ZFYVE9: variants seen among roughly 807,000 people sequenced by gnomAD.
ZFYVE9 encodes the protein zinc finger FYVE-type containing 9.
In ZFYVE9, 43 loss-of-function variants were observed where a neutral mutation model predicts 126.7. The ratio of observed to expected loss-of-function variants is 0.34; its 90% CI spans 0.27 to 0.44. The LOEUF is 0.44. Ranked by LOEUF, ZFYVE9 falls within the 20% of genes least tolerant of loss-of-function variation. ZFYVE9 has a pLI of 1.00. For synonymous variants in ZFYVE9, 521 were observed against 597.4 expected (o/e 0.87, Z 1.87); for missense variants, 1,476 against 1,697.0 (o/e 0.87, Z 2.29).
In ZFYVE9 at chr1:52,263,762, C is replaced by CT. The variant is rs1553130213; in HGVS notation, c.2179-11_2179-10insT. On this transcript the variant is annotated splice_polypyrimidine_tract_variant and intron_variant, in intron 4 of 18. Transcript: ENST00000287727. ...AAATTTTGTGTGTTCTTCCCCCCCC[C>CT]CCCCCCACAGGTTTTCTGTGCTTCC... The CT allele has an allele frequency of 1.1e-6, 1 of 935,704 alleles. No homozygotes were observed. Among genetic ancestry groups the CT allele is most frequent in the South Asian group, 1.8e-5 (1 of 56,062 alleles). The allele number at this position is 935,704 out of a possible 1,614,324, so 58.0% of individuals were successfully genotyped here. A position where few individuals can be genotyped will look rare whatever the true frequency, so the allele number is the denominator to read the frequency against.
chr1:52,260,894 G>C (rs954301951), intron 4 of ZFYVE9, among the ~76,000 whole-genome samples: 1 of 152,136 alleles, frequency 6.6e-6, no homozygotes, highest in Non-Finnish European at 1.5e-5. Flanking sequence ...GCCTTTGCTT[G>C]GTCTGGCCTC....
intron 13 of ZFYVE9, among the ~76,000 whole-genome samples, chr1:52,314,956 C>G (rs938022280): frequency 1.3e-5 from 2 of 152,074 alleles, no homozygotes; most frequent in African/African-American, 4.8e-5. Flanking sequence ...TGAGGCAAAG[C>G]GTTTTCTCGG....
chr1:52,162,946 G>GGT, intron 1 of ZFYVE9: 1 of 494,014 alleles, frequency 2.0e-6, no homozygotes, highest in East Asian at 4.5e-5. Context: ...TTTTACACAA[G>GGT]CAGGAGTTCC....
chr1:52,266,577 A>G, intron 5 of ZFYVE9, 78 bp from the exon 6 acceptor site: 1 of 1,275,908 alleles, frequency 7.8e-7, no homozygotes, highest in Admixed American at 2.5e-5. Context: ...AAGCTGCATT[A>G]TTTATCCAAT....
intron 2 of ZFYVE9, among the ~76,000 whole-genome samples, chr1:52,223,096 CCCACCATTAAATTT>C (rs1645139173): frequency 6.6e-6 from 1 of 151,932 alleles, no homozygotes; most frequent in South Asian, 2.1e-4. Flanking sequence ...TGATTTGGGT[CCCACCATTAAATTT>C]ATCAGGGGCT....
intron 1 of ZFYVE9, among the ~76,000 whole-genome samples, chr1:52,156,382 G>C (rs1644403652): frequency 6.6e-6 from 1 of 152,136 alleles, no homozygotes; most frequent in Non-Finnish European, 1.5e-5. Context: ...TATATATAGG[G>C]ACTACTGCCC....
rs1170112147 is a variant in ZFYVE9 at position 52,142,835 on chromosome 1, GA to G, written c.-143+435del. 5.3e-5 allele frequency among the ~76,000 whole-genome samples: 8 copies of G among 152,224 alleles called. No homozygotes were observed. The highest frequency in any genetic ancestry group is 5.2e-4 in the Admixed American group (8 of 15,286). On this transcript the variant is annotated intron_variant, in intron 1 of 18. Transcript: ENST00000287727. The surrounding 1 kb of genome is among the most constrained non-coding windows in gnomAD (Gnocchi z 4.5). ...CCCTCAGAATCCCGGTTGTGGCGGG[GA>G]AAGGGGGAGGAGAGGAAGGCCAGGG...
intron 13 of ZFYVE9, among the ~76,000 whole-genome samples, chr1:52,320,229 C>A (rs1177600942): frequency 1.3e-5 from 2 of 152,006 alleles, no homozygotes; most frequent in East Asian, 3.9e-4. Flanking sequence ...TGCCACCACG[C>A]CCAGCTAATT....
chr1:52,262,448 T>G (rs577391198), intron 4 of ZFYVE9, among the ~76,000 whole-genome samples: 26 of 152,326 alleles, frequency 1.7e-4, no homozygotes, highest in Admixed American at 6.5e-4. Context: ...TAAACTCAGT[T>G]TCTTCTGATA....
chr1:52,249,419 C>T (rs1645421979), intron 4 of ZFYVE9, among the ~76,000 whole-genome samples: 1 of 152,112 alleles, frequency 6.6e-6, no homozygotes, highest in African/African-American at 2.4e-5. Context: ...TTTTCATGTA[C>T]TTACTGGTCT....
chr1:52,254,089 A>G, intron 4 of ZFYVE9: 5 of 772,216 alleles, frequency 6.5e-6, no homozygotes, highest in Non-Finnish European at 1.1e-5. Context: ...ATATGAGACA[A>G]ATTAAAATAT....
At chr1:52,215,389 C>T (rs1460951604) in intron 1 of ZFYVE9, among the ~76,000 whole-genome samples, 3 of 152,030 alleles carry the variant, frequency 2.0e-5, no homozygotes, top group Admixed American at 6.6e-5. Context: ...ATTCTTTATT[C>T]TTCATTGGGT....
At chr1:52,222,630 T>C (rs1472947659) in intron 2 of ZFYVE9, among the ~76,000 whole-genome samples, 1 of 152,232 alleles carries the variant, frequency 6.6e-6, no homozygotes, top group African/African-American at 2.4e-5. Flanking sequence ...CTTTCAATTA[T>C]ATGTTTTAAA....
intron 17 of ZFYVE9, among the ~76,000 whole-genome samples, chr1:52,342,232 C>T (rs1204176930): frequency 1.3e-5 from 2 of 150,482 alleles, no homozygotes; most frequent in African/African-American, 4.9e-5. Context: ...ATAGAAACAT[C>T]GTGTATTTGC....
At chr1:52,158,286 A>G (rs112662703) in intron 1 of ZFYVE9, among the ~76,000 whole-genome samples, 4 of 152,034 alleles carry the variant, frequency 2.6e-5, no homozygotes, top group South Asian at 2.1e-4. Flanking sequence ...TCTTTTGGGG[A>G]TTATAGTCTC....
intron 1 of ZFYVE9, among the ~76,000 whole-genome samples, chr1:52,184,742 A>G (rs1644748772): frequency 6.6e-6 from 1 of 152,148 alleles, no homozygotes; most frequent in Admixed American, 6.6e-5. Context: ...GTGTAAAAGA[A>G]TTGAAAAACT....
At chr1:52,345,789 A>G (rs1646477652) in intron 18 of ZFYVE9, 2 of 307,558 alleles carry the variant, frequency 6.5e-6, no homozygotes, top group East Asian at 1.1e-4. Flanking sequence ...GATACTCCAT[A>G]CCTTTTTACA....
chr1:52,308,213 T>C (rs999001859), intron 13 of ZFYVE9, among the ~76,000 whole-genome samples: 3 of 152,106 alleles, frequency 2.0e-5, no homozygotes, highest in South Asian at 2.1e-4. Flanking sequence ...CAGGGTCTTA[T>C]TGTGTCACCA....
chr1:52,182,511 C>T (rs892877906), intron 1 of ZFYVE9, among the ~76,000 whole-genome samples: 1 of 151,994 alleles, frequency 6.6e-6, no homozygotes, highest in Admixed American at 6.6e-5. Flanking sequence ...GGATTAAGGG[C>T]GGTGCAAGAT....
Sources: allele counts gnomAD v4.1 joint callset (sites outside exome capture counted in the v4.1 genomes callset), GRCh38; gene constraint gnomAD v4.1.1; non-coding constraint Gnocchi (gnomAD v3.1); transcripts MANE v1.5; gene names NCBI Gene and HGNC (gene_info 2026-07-23, HGNC 2026-07-21).